PPM1H: variants seen among roughly 807,000 people sequenced by gnomAD.
The protein encoded by PPM1H is protein phosphatase, Mg2+/Mn2+ dependent 1H.
PPM1H carries 27 observed loss-of-function variants against 54.9 expected under a neutral mutation model. The ratio of observed to expected loss-of-function variants is 0.49; its 90% CI spans 0.36 to 0.68. The LOEUF (loss-of-function observed/expected upper bound fraction) is 0.68. Ranked by LOEUF, PPM1H falls within the 30% of genes least tolerant of loss-of-function variation. The pLI, the probability that PPM1H is intolerant of heterozygous loss-of-function variation, is 0.00. For synonymous variants in PPM1H, 305 were observed against 270.8 expected, an observed-to-expected ratio of 1.13 and a Z score of -1.24; for missense variants, 596 against 667.8, an observed-to-expected ratio of 0.89 and a Z score of 1.19.
At chr12:62,868,326 C>T (rs1355727432) in intron 1 of PPM1H, among the ~76,000 whole-genome samples, 7 of 152,148 alleles carry the variant, frequency 4.6e-5, no homozygotes, top group Admixed American at 3.3e-4. Flanking sequence ...GCCTGAACAA[C>T]GTGTAGGTCG....
intron 6 of PPM1H, among the ~76,000 whole-genome samples, chr12:62,709,665 C>T (rs1165517788): frequency 6.6e-6 from 1 of 152,346 alleles, no homozygotes; most frequent in East Asian, 1.9e-4. Flanking sequence ...TTTTGTATAA[C>T]TCTTATCTTT....
intron 1 of PPM1H, among the ~76,000 whole-genome samples, chr12:62,918,066 T>C (rs1051276146): frequency 2.0e-5 from 3 of 152,232 alleles, no homozygotes; most frequent in Non-Finnish European, 2.9e-5. Flanking sequence ...ACTTCTCTTA[T>C]GACACTTACT....
chr12:62,926,431 T>C (rs1157483044), intron 1 of PPM1H, among the ~76,000 whole-genome samples: 2 of 152,126 alleles, frequency 1.3e-5, no homozygotes, highest in Non-Finnish European at 2.9e-5. Flanking sequence ...GTACTTTACA[T>C]GTTCTAAGCC....
intron 8 of PPM1H, among the ~76,000 whole-genome samples, chr12:62,671,677 T>C (rs1455805804): frequency 6.6e-6 from 1 of 152,198 alleles, no homozygotes; most frequent in African/African-American, 2.4e-5. Context: ...ATGGTGGACC[T>C]CTCTGGGAAG....
intron 2 of PPM1H, among the ~76,000 whole-genome samples, chr12:62,817,116 TAA>T (rs1189819660): frequency 4.8e-4 from 20 of 41,792 alleles, no homozygotes; most frequent in East Asian, 1.5e-3. Flanking sequence ...ACTGCATTAC[TAA>T]AAAAAAAAAA....
At chr12:62,796,734 C>G (rs1219443850) in intron 3 of PPM1H, among the ~76,000 whole-genome samples, 1 of 152,214 alleles carries the variant, frequency 6.6e-6, no homozygotes, top group Non-Finnish European at 1.5e-5. Context: ...CCCTTCTCCC[C>G]TCTCATGAGG....
chr12:62,696,919 A>G (rs1247422958), intron 6 of PPM1H, among the ~76,000 whole-genome samples: 1 of 152,224 alleles, frequency 6.6e-6, no homozygotes. Flanking sequence ...TTCTAGTCCG[A>G]GTCTGAAATG....
rs1385595658 is a variant in PPM1H, at chr12:62,647,336, C to CAA, written c.*1151_*1152dup. 6.6e-6 allele frequency: 1 copy of CAA among 152,236 alleles called. No individual in the cohort carries two copies. The highest frequency in any genetic ancestry group is 1.9e-4 in the East Asian group (1 of 5,182). The allele number at this position is 152,236 out of a possible 1,614,324, so 9.4% of individuals were successfully genotyped here. A position where few individuals can be genotyped will look rare whatever the true frequency, so the allele number is the denominator to read the frequency against. On this transcript the variant is annotated 3_prime_UTR_variant, in exon 10 of 10. Coordinates refer to ENST00000228705, the MANE Select transcript of PPM1H (RefSeq NM_020700.2). ...AAAGTGCCCCCCGAGGGGCCTTGCACAAAGATGATGGGGAGAGCAGAACTG... is the reference window on the plus strand; with the variant it reads ...AAAGTGCCCCCCGAGGGGCCTTGCACAAAAAGATGATGGGGAGAGCAGAACTG...
In PPM1H at chr12:62,695,782, A is replaced by C. The variant is rs76878643; in HGVS notation, c.1074-1783T>G. ...AAAATGATTCAGCAATTAGCCCCTT[A>C]TCAGCTTGACCCTTAAGACAACAGA... On this transcript the variant is annotated intron_variant, in intron 6 of 9. Transcript: ENST00000228705. Among the ~76,000 whole-genome samples the C allele has an allele frequency of 9.0e-3, 1,364 of 152,274 alleles. 12 individuals are homozygous for C. Among genetic ancestry groups the C allele is most frequent in the South Asian group, 0.026 (126 of 4,822 alleles).
At chr12:62,743,730 TAAA>T (rs1230006028) in intron 4 of PPM1H, among the ~76,000 whole-genome samples, 2 of 151,690 alleles carry the variant, frequency 1.3e-5, no homozygotes, top group East Asian at 3.9e-4. Context: ...AAAAAGCTGA[TAAA>T]AAATATGATT....
At chr12:62,848,631 T>C (rs190794464) in intron 1 of PPM1H, among the ~76,000 whole-genome samples, 22 of 152,086 alleles carry the variant, frequency 1.4e-4, no homozygotes, top group African/African-American at 5.1e-4. Flanking sequence ...ACACTTTGGG[T>C]TTACTGATGA....
rs149112737 is a variant in PPM1H, at chr12:62,858,267, T to C, written c.246-25988A>G. 2.2e-3 allele frequency among the ~76,000 whole-genome samples: 337 copies of C among 152,308 alleles called. 2 individuals are homozygous for C. The highest frequency in any genetic ancestry group is 7.8e-3 in the African/African-American group (323 of 41,556). On this transcript the variant is annotated intron_variant, in intron 1 of 9. Transcript: ENST00000228705. ...GTCAGAACTCAGTAGTATTCATCTT[T>C]GTGCTGCCTGCAGGATGTGGCCCAG...
rs974803599 is a variant in PPM1H, at chr12:62,647,188, G to A, written c.*1301C>T. ...TGCCTGCTGCTGCTGCTCTTGTGGC[G>A]AACACTCAGATGTGGAACCATAGAG... On this transcript the variant is annotated 3_prime_UTR_variant, in exon 10 of 10. Transcript: ENST00000228705. 3.9e-5 allele frequency: 6 copies of A among 152,246 alleles called. No homozygotes were observed. The highest frequency in any genetic ancestry group is 2.1e-4 in the South Asian group (1 of 4,824). The allele number at this position is 152,246 out of a possible 1,614,324, so 9.4% of individuals were successfully genotyped here. A position where few individuals can be genotyped will look rare whatever the true frequency, so the allele number is the denominator to read the frequency against.
chr12:62,839,392 A>G (rs1868636753), intron 1 of PPM1H, among the ~76,000 whole-genome samples: 1 of 152,246 alleles, frequency 6.6e-6, no homozygotes, highest in African/African-American at 2.4e-5. Context: ...TTAGTTGCCA[A>G]TATTTTAAAA....
chr12:62,836,383 A>G (rs971181491), intron 1 of PPM1H, among the ~76,000 whole-genome samples: 2 of 152,248 alleles, frequency 1.3e-5, no homozygotes, highest in Admixed American at 1.3e-4. Context: ...CTAGGTGTGG[A>G]TAACAGTATC....
intron 4 of PPM1H, among the ~76,000 whole-genome samples, chr12:62,768,431 G>A (rs1482069749): frequency 1.3e-5 from 2 of 152,128 alleles, no homozygotes; most frequent in South Asian, 2.1e-4. Context: ...CAAGGTGGGC[G>A]GATCATGAGG....
intron 1 of PPM1H, among the ~76,000 whole-genome samples, chr12:62,884,376 C>T (rs374250994): frequency 6.8e-4 from 103 of 151,014 alleles, no homozygotes; most frequent in African/African-American, 2.3e-3. Flanking sequence ...TGGCAGGTGC[C>T]TGTAATCCCA....
At chr12:62,820,811 G>A (rs10877918) in intron 2 of PPM1H, among the ~76,000 whole-genome samples, 10,643 of 152,240 alleles carry the variant, frequency 0.07, 466 homozygotes, top group Middle Eastern at 0.12. Flanking sequence ...CAAAGATGGG[G>A]AGGAACCAGA....
rs866037274 is a variant in PPM1H at position 62,732,583 on chromosome 12, T to C, written c.954+4919A>G. ...GTTTTTTTTTGTTTTCGGTTTTTTT[T>C]TTTTTTGAGACAGAGTCTCTCTCTG... On this transcript the variant is annotated intron_variant, in intron 5 of 9. Coordinates refer to ENST00000228705, the MANE Select transcript of PPM1H (RefSeq NM_020700.2). Among the ~76,000 whole-genome samples the C allele has an allele frequency of 1.4e-3, 215 of 151,808 alleles. 1 individual carries two copies. The highest frequency in any genetic ancestry group is 2.4e-3 in the Non-Finnish European group (162 of 67,862).
Sources: gnomAD v4.1 joint callset for allele counts (sites outside exome capture counted in the v4.1 genomes callset) on GRCh38, gnomAD v4.1.1 for gene constraint, MANE v1.5 for transcripts, NCBI Gene and HGNC (gene_info 2026-07-23, HGNC 2026-07-21) for gene names.